KHDRBS2: variants seen among roughly 807,000 people sequenced by gnomAD.
KHDRBS2 encodes the protein KH domain-containing, RNA-binding, signal transduction-associated protein 2.
Under a neutral mutation model 44.3 loss-of-function variants are expected in KHDRBS2, and 26 were observed. The ratio of observed to expected loss-of-function variants is 0.59; its 90% confidence interval spans 0.43 to 0.81. KHDRBS2 has a LOEUF of 0.81. Among genes scored for constraint, KHDRBS2 ranks in the 40% least tolerant of loss-of-function variants. The probability of loss-of-function intolerance (pLI) is 0.00; values close to 1 mark genes in which losing one functional copy is unlikely to be tolerated. For missense variants in KHDRBS2, 476 were observed against 433.1 expected (o/e 1.10, Z -0.88); for synonymous variants, 194 against 151.1 (o/e 1.28, Z -2.08).
At chr6:61,878,920 T>C (rs1168627975) in intron 6 of KHDRBS2, among the ~76,000 whole-genome samples, 4 of 152,012 alleles carry the variant, frequency 2.6e-5, no homozygotes, top group Non-Finnish European at 4.4e-5. Flanking sequence ...TTGCCTAGTT[T>C]GTAGATCATA....
intron 3 of KHDRBS2, among the ~76,000 whole-genome samples, chr6:62,002,006 T>C (rs1179591897): frequency 6.6e-6 from 1 of 152,144 alleles, no homozygotes; most frequent in Non-Finnish European, 1.5e-5. Context: ...GACACTGTAC[T>C]CACTTTAGCT....
chr6:61,970,714 C>T (rs567811480), intron 4 of KHDRBS2, among the ~76,000 whole-genome samples: 5 of 152,232 alleles, frequency 3.3e-5, no homozygotes, highest in African/African-American at 1.2e-4. Flanking sequence ...ACAAGGCCAA[C>T]TAGATTATTA....
At chr6:61,914,477 G>A (rs1174393566) in intron 4 of KHDRBS2, among the ~76,000 whole-genome samples, 1 of 150,294 alleles carries the variant, frequency 6.7e-6, no homozygotes, top group Non-Finnish European at 1.5e-5. Flanking sequence ...CATGGACACA[G>A]GAAGGGGAAC....
intron 6 of KHDRBS2, among the ~76,000 whole-genome samples, chr6:61,893,162 T>G (rs1562384317): frequency 6.6e-6 from 1 of 152,188 alleles, no homozygotes; most frequent in Non-Finnish European, 1.5e-5. Flanking sequence ...TCATCATCAT[T>G]GGCCATCAAG....
At chr6:62,258,654 C>T (rs115102445) in intron 1 of KHDRBS2, among the ~76,000 whole-genome samples, 4,464 of 152,014 alleles carry the variant, frequency 0.029, 166 homozygotes, top group African/African-American at 0.097. Context: ...GTATAAGGTA[C>T]ATATTAAATA....
the KHDRBS2 span, among the ~76,000 whole-genome samples, chr6:61,630,020 G>A: frequency 3.3e-5 from 5 of 152,146 alleles, no homozygotes; most frequent in South Asian, 2.1e-4. Context: ...GGGTCAATAC[G>A]CATTTTAAAA....
chr6:62,097,514 G>C (rs1263383104), intron 2 of KHDRBS2, among the ~76,000 whole-genome samples: 2 of 151,858 alleles, frequency 1.3e-5, no homozygotes, highest in African/African-American at 2.4e-5. Flanking sequence ...TTTATATTTA[G>C]AGTATATTTT....
intron 6 of KHDRBS2, among the ~76,000 whole-genome samples, chr6:61,877,005 C>T (rs1799507963): frequency 6.6e-6 from 1 of 151,986 alleles, no homozygotes; most frequent in South Asian, 2.1e-4. Context: ...CCAGCCTTGC[C>T]ACCTGTTTTC....
the KHDRBS2 span, among the ~76,000 whole-genome samples, chr6:61,657,523 T>A: frequency 6.6e-6 from 1 of 151,976 alleles, no homozygotes; most frequent in Non-Finnish European, 1.5e-5. Flanking sequence ...ATAGTTTTTG[T>A]GATCTTTTCA....
intron 7 of KHDRBS2, among the ~76,000 whole-genome samples, chr6:61,704,199 A>G (rs1769122379): frequency 6.6e-6 from 1 of 151,874 alleles, no homozygotes; most frequent in Non-Finnish European, 1.5e-5. Context: ...ACCATAAAAC[A>G]AAAACAAATG....
intron 6 of KHDRBS2, among the ~76,000 whole-genome samples, chr6:61,878,116 A>G (rs1799701663): frequency 6.6e-6 from 1 of 151,854 alleles, no homozygotes; most frequent in South Asian, 2.1e-4. Context: ...CCTCTTTTCT[A>G]TTCCATTCTT....
the KHDRBS2 span, among the ~76,000 whole-genome samples, chr6:61,663,157 A>T: frequency 3.4e-5 from 5 of 148,396 alleles, no homozygotes; most frequent in African/African-American, 1.2e-4. Flanking sequence ...AGGACAAAAA[A>T]CCAAACGCCG....
the KHDRBS2 span, among the ~76,000 whole-genome samples, chr6:61,548,228 C>T: frequency 3.9e-5 from 6 of 152,088 alleles, no homozygotes; most frequent in East Asian, 1.2e-3. Flanking sequence ...ACATTGAAGA[C>T]AAACTAAGGA....
intron 6 of KHDRBS2, among the ~76,000 whole-genome samples, chr6:61,840,929 G>A (rs530272577): frequency 1.7e-4 from 26 of 152,196 alleles, no homozygotes; most frequent in African/African-American, 6.0e-4. Flanking sequence ...ACAGGCCTCA[G>A]TGACCACTGG....
At chr6:61,625,422 C>T in the KHDRBS2 span, among the ~76,000 whole-genome samples, 6 of 150,564 alleles carry the variant, frequency 4.0e-5, no homozygotes, top group African/African-American at 1.5e-4. Flanking sequence ...CAGATATCTC[C>T]TTCAAGAGAA....
the KHDRBS2 span, among the ~76,000 whole-genome samples, chr6:61,635,486 T>A: frequency 6.6e-6 from 1 of 152,040 alleles, no homozygotes; most frequent in African/African-American, 2.4e-5. Flanking sequence ...AAGTGTAAAT[T>A]TACTTAAGTG....
chr6:61,796,179 A>G (rs1392389513), intron 6 of KHDRBS2, among the ~76,000 whole-genome samples: 1 of 152,088 alleles, frequency 6.6e-6, no homozygotes, highest in Non-Finnish European at 1.5e-5. Context: ...GATTGAAATC[A>G]TCATGATTTG....
the KHDRBS2 span, among the ~76,000 whole-genome samples, chr6:61,566,248 G>A: frequency 4.6e-5 from 7 of 152,214 alleles, no homozygotes; most frequent in East Asian, 1.4e-3. Context: ...GCAGTGGGGA[G>A]GCGAGGATAA....
chr6:62,018,287 C>CTA (rs1019465004), intron 3 of KHDRBS2, among the ~76,000 whole-genome samples: 1 of 146,894 alleles, frequency 6.8e-6, no homozygotes, highest in African/African-American at 2.6e-5. Context: ...TATTCACACA[C>CTA]TATATATATA....
Sources: gnomAD v4.1 joint callset for allele counts (sites outside exome capture counted in the v4.1 genomes callset) on GRCh38, gnomAD v4.1.1 for gene constraint, MANE v1.5 for transcripts, NCBI Gene and HGNC (gene_info 2026-07-23, HGNC 2026-07-21) for gene names.